Variants in LEKR1 observed in about 807,000 individuals in gnomAD.
LEKR1 encodes the protein protein LEKR1.
In LEKR1, 59 loss-of-function variants were observed where a neutral mutation model predicts 72.4. The ratio of observed to expected loss-of-function variants is 0.82; its 90% CI spans 0.66 to 1.01. The LOEUF (loss-of-function observed/expected upper bound fraction) is 1.01, where lower values mean the gene tolerates loss of function less well. Among genes scored for constraint, LEKR1 ranks in the 50% least tolerant of loss-of-function variants. LEKR1 has a pLI of 0.00. For synonymous variants in LEKR1, 257 were observed against 263.2 expected, an observed-to-expected ratio of 0.98 and a Z score of 0.23; for missense variants, 728 against 759.2, an observed-to-expected ratio of 0.96 and a Z score of 0.48.
intron 6 of LEKR1, among the ~76,000 whole-genome samples, chr3:156,960,356 G>A (rs571694769): frequency 6.6e-6 from 1 of 152,268 alleles, no homozygotes; most frequent in African/African-American, 2.4e-5. Context: ...CGCGATCTCG[G>A]CTCACTGCAA....
intron 6 of LEKR1, among the ~76,000 whole-genome samples, chr3:156,963,842 A>C (rs1009523145): frequency 3.9e-4 from 59 of 152,308 alleles, no homozygotes; most frequent in African/African-American, 1.3e-3. Flanking sequence ...GAACTTTACT[A>C]CCAGATTTCC....
intron 4 of LEKR1, among the ~76,000 whole-genome samples, chr3:156,926,306 A>T (rs1724710873): frequency 6.6e-6 from 1 of 152,076 alleles, no homozygotes; most frequent in African/African-American, 2.4e-5. Context: ...TGACAATCTT[A>T]TGTATTAGAA....
intron 9 of LEKR1, among the ~76,000 whole-genome samples, chr3:157,008,765 C>T (rs1732662132): frequency 6.6e-6 from 1 of 152,182 alleles, no homozygotes; most frequent in African/African-American, 2.4e-5. Flanking sequence ...TTTATCTTCA[C>T]ATAAATAAAA....
chr3:156,882,597 T>G (rs1386438782), intron 3 of LEKR1, among the ~76,000 whole-genome samples: 1 of 152,222 alleles, frequency 6.6e-6, no homozygotes, highest in African/African-American at 2.4e-5. Flanking sequence ...AGTGTGGCAA[T>G]TCCTCAGGGA....
intron 3 of LEKR1, among the ~76,000 whole-genome samples, chr3:156,908,094 T>G (rs754066705): frequency 9.2e-5 from 14 of 152,194 alleles, no homozygotes; most frequent in Non-Finnish European, 1.6e-4. Flanking sequence ...CCCTTCTCAG[T>G]GCATCATATC....
chr3:156,979,368 G>A (rs1729980836), intron 7 of LEKR1, 93 bp downstream of exon 7: 1 of 527,070 alleles, frequency 1.9e-6, no homozygotes, highest in South Asian at 1.6e-5. Context: ...GAATTATAAA[G>A]ACCCTGGTGT....
chr3:156,946,330 A>C (rs1035490662), intron 6 of LEKR1, among the ~76,000 whole-genome samples: 1 of 151,558 alleles, frequency 6.6e-6, no homozygotes, highest in African/African-American at 2.4e-5. Flanking sequence ...TATCAGTTCT[A>C]ATAGTTTTTA....
At chr3:156,956,920 A>C (rs888408830) in intron 6 of LEKR1, among the ~76,000 whole-genome samples, 4 of 152,090 alleles carry the variant, frequency 2.6e-5, no homozygotes, top group Non-Finnish European at 5.9e-5. Flanking sequence ...AAAATGTTCA[A>C]TTACTAATAA....
chr3:156,883,549 T>G (rs919985175), intron 3 of LEKR1, among the ~76,000 whole-genome samples: 5 of 152,214 alleles, frequency 3.3e-5, no homozygotes, highest in Non-Finnish European at 7.3e-5. Context: ...GTAGCTCCCA[T>G]AATTCCCACT....
chr3:156,960,675 G>A (rs927259117), intron 6 of LEKR1, among the ~76,000 whole-genome samples: 54 of 152,106 alleles, frequency 3.6e-4, no homozygotes, highest in Middle Eastern at 3.4e-3. Flanking sequence ...TTTCTGTCTT[G>A]AAATAGAGAT....
intron 4 of LEKR1, chr3:156,924,588 T>C (rs893964821): frequency 1.6e-6 from 1 of 628,100 alleles, no homozygotes; most frequent in East Asian, 2.8e-5. Context: ...TAGTTTTAGC[T>C]CTTCTTTAGA....
chr3:156,876,245 A>T (rs1383424878), intron 3 of LEKR1, among the ~76,000 whole-genome samples: 5 of 152,080 alleles, frequency 3.3e-5, no homozygotes, highest in African/African-American at 1.2e-4. Flanking sequence ...CTTGTAGTAT[A>T]GTTTGAAGTT....
chr3:157,022,369 A>G (rs186446732), intron 10 of LEKR1, among the ~76,000 whole-genome samples: 15 of 152,300 alleles, frequency 9.8e-5, no homozygotes, highest in African/African-American at 3.4e-4. Flanking sequence ...GTTGGAGTGA[A>G]GCAGGAGTGA....
chr3:157,007,713 C>T (rs1732570897), intron 9 of LEKR1, among the ~76,000 whole-genome samples: 1 of 152,210 alleles, frequency 6.6e-6, no homozygotes, highest in South Asian at 2.1e-4. Flanking sequence ...ACAGCATTCT[C>T]AAGTAAGAGC....
At chr3:156,941,218 G>A (rs1413232478) in intron 5 of LEKR1, among the ~76,000 whole-genome samples, 1 of 151,976 alleles carries the variant, frequency 6.6e-6, no homozygotes, top group Non-Finnish European at 1.5e-5. Context: ...TATTTCTCTA[G>A]GTTTTCCATT....
At chr3:156,846,608 C>A (rs971277619) in intron 2 of LEKR1, among the ~76,000 whole-genome samples, 1 of 152,110 alleles carries the variant, frequency 6.6e-6, no homozygotes, top group African/African-American at 2.4e-5. Flanking sequence ...ATCTCAAAAA[C>A]TTTCTCCTAA....
At chr3:156,857,597 C>T (rs1453788296) in intron 3 of LEKR1, among the ~76,000 whole-genome samples, 3 of 151,990 alleles carry the variant, frequency 2.0e-5, no homozygotes, top group African/African-American at 7.2e-5. Context: ...ATCTGAAAAT[C>T]CAAAATGTGA....
At position 156,833,872 on chromosome 3, in the gene LEKR1, A is replaced by AT. The variant is rs752399104; in HGVS notation, c.48+4496dup. 1.2e-3 allele frequency among the ~76,000 whole-genome samples: 183 copies of AT among 151,872 alleles called. 1 individual carries two copies. The highest frequency in any genetic ancestry group is 2.3e-3 in the Non-Finnish European group (155 of 67,944). On this transcript the variant is annotated intron_variant, in intron 2 of 12. Coordinates refer to ENST00000356539, the MANE Select transcript of LEKR1 (RefSeq NM_001004316.3). ...AAACAGCATACCCAATAAAGGTAGC[A>AT]TGTGGCTACCTGAATCTCTCTTTCC...
intron 12 of LEKR1, among the ~76,000 whole-genome samples, chr3:157,034,258 G>T (rs1273726192): frequency 6.6e-6 from 1 of 152,180 alleles, no homozygotes; most frequent in Non-Finnish European, 1.5e-5. Flanking sequence ...AGCTGTCATA[G>T]TTATTGATTC....
Sources: gnomAD v4.1 joint callset for allele counts (sites outside exome capture counted in the v4.1 genomes callset) on GRCh38, gnomAD v4.1.1 for gene constraint, MANE v1.5 for transcripts, NCBI Gene and HGNC (gene_info 2026-07-23, HGNC 2026-07-21) for gene names.